Variants in MEGF11 observed in about 807,000 individuals in gnomAD.
MEGF11 encodes multiple epidermal growth factor-like domains protein 11.
Under a neutral mutation model 146.6 loss-of-function variants are expected in MEGF11, and 126 were observed. That is an observed-to-expected ratio of 0.86 (90% confidence interval 0.74 to 1.00). The LOEUF (loss-of-function observed/expected upper bound fraction) is 1.00. Ranked by LOEUF, MEGF11 falls within the 50% of genes least tolerant of loss-of-function variation. MEGF11 has a pLI of 0.00. For missense variants in MEGF11, 1,509 were observed against 1,521.2 expected, an observed-to-expected ratio of 0.99 and a Z score of 0.13; for synonymous variants, 532 against 583.4, an observed-to-expected ratio of 0.91 and a Z score of 1.27.
intron 1 of MEGF11, among the ~76,000 whole-genome samples, chr15:66,251,451 G>C (rs553969778): frequency 1.3e-5 from 2 of 152,332 alleles, no homozygotes; most frequent in South Asian, 4.1e-4. Flanking sequence ...TGAGCCCTGT[G>C]TGCGGGCTCC....
intron 1 of MEGF11, among the ~76,000 whole-genome samples, chr15:66,204,046 T>C (rs986044620): frequency 6.6e-5 from 10 of 151,162 alleles, no homozygotes; most frequent in African/African-American, 2.4e-4. Context: ...TGTTTGAGAC[T>C]AGCCTGGGCA....
intron 5 of MEGF11, among the ~76,000 whole-genome samples, chr15:65,987,947 G>T (rs1483751482): frequency 6.6e-6 from 1 of 150,504 alleles, no homozygotes; most frequent in African/African-American, 2.4e-5. Context: ...CTGACCTCGT[G>T]ATCTGCCCAC....
intron 5 of MEGF11, among the ~76,000 whole-genome samples, chr15:66,010,232 A>AC (rs1360887694): frequency 7.6e-5 from 11 of 143,794 alleles, no homozygotes; most frequent in Middle Eastern, 4.0e-3. Flanking sequence ...TCACTCTATT[A>AC]CCCAGGCTGG....
intron 5 of MEGF11, among the ~76,000 whole-genome samples, chr15:66,004,449 T>G (rs1025005800): frequency 3.3e-5 from 5 of 152,098 alleles, no homozygotes; most frequent in Non-Finnish European, 7.3e-5. Context: ...AAAAAGAATC[T>G]GGGGCAAATA....
At chr15:66,092,162 C>A (rs2086348340) in intron 5 of MEGF11, among the ~76,000 whole-genome samples, 1 of 152,172 alleles carries the variant, frequency 6.6e-6, no homozygotes, top group African/African-American at 2.4e-5. Context: ...GAAGGGAAAA[C>A]TTTCCAACAA....
intron 5 of MEGF11, among the ~76,000 whole-genome samples, chr15:66,001,104 C>T (rs556179927): frequency 6.6e-6 from 1 of 152,186 alleles, no homozygotes; most frequent in Admixed American, 6.5e-5. Context: ...AGAAATTTGG[C>T]CTCAGAGGAT....
At chr15:66,009,631 T>C (rs997460722) in intron 5 of MEGF11, among the ~76,000 whole-genome samples, 4 of 151,356 alleles carry the variant, frequency 2.6e-5, no homozygotes, top group African/African-American at 4.9e-5. Context: ...CTCGCTCTGT[T>C]GCCCAGGCTG....
Position 65,922,429 on chromosome 15 carries a change from G to T in MEGF11, c.1866C>A (p.Cys622Ter), listed in dbSNP as rs754834739. The T allele has an allele frequency of 1.9e-6, 3 of 1,587,630 alleles. No individual in the cohort carries two copies. In the Admixed American group the frequency reaches 5.3e-5, roughly 28 times the overall value. The change falls in exon 15 of 26, where the codon TGC becomes TGA. Residue 622 changes from cysteine to a stop codon, truncating the protein, a stop_gained. Transcript: ENST00000395614. LOFTEE classifies it high-confidence loss of function. ...GCCTGCTGCTGTGCACGCAGAGGGG[G>T]CATGGCTGGGCGCAGCCGTGGCCAT... ...GFYGHGCAQP[C>*]PLCVHSSRPC...
intron 3 of MEGF11, among the ~76,000 whole-genome samples, chr15:66,121,915 G>A (rs959916999): frequency 8.6e-4 from 131 of 152,216 alleles, no homozygotes; most frequent in African/African-American, 3.0e-3. Context: ...ATAGAATCCG[G>A]TCTCCCCATG....
At chr15:66,036,900 C>T (rs906869206) in intron 5 of MEGF11, among the ~76,000 whole-genome samples, 3 of 152,190 alleles carry the variant, frequency 2.0e-5, no homozygotes, top group Non-Finnish European at 2.9e-5. Context: ...TCTAATTCCT[C>T]CTTGCATTTT....
chr15:66,041,551 G>A (rs920754075), intron 5 of MEGF11, among the ~76,000 whole-genome samples: 1 of 152,216 alleles, frequency 6.6e-6, no homozygotes, highest in African/African-American at 2.4e-5. Context: ...TGTGGCCTCT[G>A]GGTCAAACCC....
intron 1 of MEGF11, among the ~76,000 whole-genome samples, chr15:66,146,775 G>T (rs1180174543): frequency 6.6e-6 from 1 of 152,260 alleles, no homozygotes; most frequent in East Asian, 1.9e-4. Context: ...GGAAGGCAGT[G>T]GGGGCAGAGG....
chr15:66,191,006 C>T (rs1567278188), intron 1 of MEGF11, among the ~76,000 whole-genome samples: 1 of 152,070 alleles, frequency 6.6e-6, no homozygotes, highest in Admixed American at 6.5e-5. Flanking sequence ...ACACCGCAGC[C>T]TGGAGAGAAA....
At chr15:66,250,768 A>G (rs926825539) in intron 1 of MEGF11, among the ~76,000 whole-genome samples, 2 of 152,104 alleles carry the variant, frequency 1.3e-5, no homozygotes, top group African/African-American at 4.8e-5. Context: ...TTAGCCTGGC[A>G]TGGTGGCCCA....
chr15:66,024,369 G>A (rs1045444401), intron 5 of MEGF11, among the ~76,000 whole-genome samples: 3 of 152,222 alleles, frequency 2.0e-5, no homozygotes, highest in African/African-American at 4.8e-5. Flanking sequence ...AAGTCTGGGA[G>A]GTGGGGATGT....
chr15:66,133,761 G>A (rs1567258275), intron 1 of MEGF11, among the ~76,000 whole-genome samples: 1 of 152,032 alleles, frequency 6.6e-6, no homozygotes, highest in Non-Finnish European at 1.5e-5. Flanking sequence ...TATGTTGAAT[G>A]CTTTCTAATC....
intron 1 of MEGF11, among the ~76,000 whole-genome samples, chr15:66,231,696 G>A (rs2091970786): frequency 1.3e-5 from 2 of 152,150 alleles, no homozygotes; most frequent in Admixed American, 1.3e-4. Context: ...CAGCTTCACA[G>A]GCCCTTTGGG....
chr15:66,247,633 C>T (rs1221821811), intron 1 of MEGF11, among the ~76,000 whole-genome samples: 4 of 152,166 alleles, frequency 2.6e-5, no homozygotes, highest in African/African-American at 9.7e-5. Context: ...CCCATCTACT[C>T]AGGAGGCTGA....
chr15:66,050,769 C>T (rs2084416748), intron 5 of MEGF11, among the ~76,000 whole-genome samples: 1 of 152,210 alleles, frequency 6.6e-6, no homozygotes, highest in East Asian at 1.9e-4. Flanking sequence ...GGAGTCCACA[C>T]ATCTTCCCAG....
Sources: allele counts gnomAD v4.1 joint callset (sites outside exome capture counted in the v4.1 genomes callset), GRCh38; gene constraint gnomAD v4.1.1; transcripts MANE v1.5; gene names NCBI Gene and HGNC (gene_info 2026-07-23, HGNC 2026-07-21).